The following HECW1 variants were observed in gnomAD, a reference collection of about 807,000 sequenced individuals.
HECW1 encodes E3 ubiquitin-protein ligase HECW1.
A neutral mutation model predicts 182.3 loss-of-function variants in HECW1; 61 were observed. The observed-to-expected ratio is 0.33, with a 90% CI of 0.27 to 0.41. HECW1 has a LOEUF of 0.41. HECW1 is among the 10% of genes least tolerant of loss of function. HECW1 has a pLI of 1.00. For synonymous variants in HECW1, 859 were observed against 832.6 expected, an observed-to-expected ratio of 1.03 and a Z score of -0.55; for missense variants, 1,739 against 2,108.9, an observed-to-expected ratio of 0.82 and a Z score of 3.44.
At chr7:43,494,240 C>T (rs2079034607) in intron 19 of HECW1, among the ~76,000 whole-genome samples, 2 of 152,068 alleles carry the variant, frequency 1.3e-5, no homozygotes, top group Admixed American at 6.6e-5. Context: ...TCCCTGATCT[C>T]CTCTCCTCCC....
chr7:43,438,529 C>T (rs2076780317), intron 9 of HECW1: 1 of 154,556 alleles, frequency 6.5e-6, no homozygotes, highest in Non-Finnish European at 1.4e-5. Flanking sequence ...TCATATGTGA[C>T]ATTTCCATAA....
intron 6 of HECW1, among the ~76,000 whole-genome samples, chr7:43,371,762 G>A (rs962974423): frequency 1.3e-5 from 2 of 152,200 alleles, no homozygotes; most frequent in African/African-American, 4.8e-5. Flanking sequence ...GGCAAAAGCA[G>A]CAGGGGAGCA....
chr7:43,537,332 A>T (rs2081214556), intron 24 of HECW1, among the ~76,000 whole-genome samples: 1 of 152,190 alleles, frequency 6.6e-6, no homozygotes, highest in South Asian at 2.1e-4. Flanking sequence ...CTCAGCATTT[A>T]ATTTTGCTTA....
Position 43,446,823 on chromosome 7 carries a change from G to A in HECW1, c.2398+1253G>A, listed in dbSNP as rs541914757. Among the ~76,000 whole-genome samples the A allele has an allele frequency of 6.2e-4, 94 of 152,294 alleles. 1 individual carries two copies. The highest frequency in any genetic ancestry group is 1.7e-3 in the African/African-American group (72 of 41,558). On this transcript the variant is annotated intron_variant, in intron 11 of 29. Coordinates refer to ENST00000395891, the MANE Select transcript of HECW1 (RefSeq NM_015052.5). ...GCATGGAAAGGTACCCACAAGGAGC[G>A]GGATGGAAAATCCCTCCTGTGAGTA...
chr7:43,434,105 G>A (rs1035848151), intron 8 of HECW1, among the ~76,000 whole-genome samples: 27 of 152,224 alleles, frequency 1.8e-4, no homozygotes, highest in Middle Eastern at 3.4e-3. Context: ...CCAAGTGGCC[G>A]TTTCTCTGGA....
At chr7:43,360,751 C>T in intron 5 of HECW1, 135 bp from the exon 6 acceptor site, 2 of 692,592 alleles carry the variant, frequency 2.9e-6, no homozygotes, top group Non-Finnish European at 5.2e-6. Context: ...ACATGAGGAG[C>T]ATCATTGTCG....
rs573752122 is a variant in HECW1 at position 43,156,739 on chromosome 7, G to A, written c.-32+42348G>A. On this transcript the variant is annotated intron_variant, in intron 2 of 29. Transcript: ENST00000395891. The stretch of plus-strand genomic sequence containing the variant: ...TGTGGTAGCCCTGTTCACCTTAGGC[G>A]TGGTCATGTGATCTGCACTGGCCAG... Among the ~76,000 whole-genome samples, 12 of 150,356 alleles carry A rather than the reference G, an allele frequency of 8.0e-5. 1 individual carries two copies. In the South Asian group the frequency reaches 8.3e-4, roughly 10 times the overall value.
intron 29 of HECW1, among the ~76,000 whole-genome samples, chr7:43,559,931 C>A (rs1050356330): frequency 6.6e-6 from 1 of 152,178 alleles, no homozygotes; most frequent in Non-Finnish European, 1.5e-5. Context: ...AGGTGCTATT[C>A]GTCAATGCTT....
intron 3 of HECW1, among the ~76,000 whole-genome samples, chr7:43,305,980 G>A (rs974507324): frequency 6.6e-5 from 10 of 152,006 alleles, no homozygotes; most frequent in African/African-American, 7.2e-5. Context: ...AGCTGGTCTC[G>A]AACTCCCAAC....
intron 24 of HECW1, among the ~76,000 whole-genome samples, chr7:43,518,141 A>G (rs10228628): frequency 0.051 from 7,717 of 152,264 alleles, 315 homozygotes; most frequent in East Asian, 0.19. Flanking sequence ...AACTCAAGAA[A>G]CCTTGAGTGG....
In HECW1 at chr7:43,128,834, G is replaced by T. The variant is rs192386988; in HGVS notation, c.-32+14443G>T. 3.9e-4 allele frequency among the ~76,000 whole-genome samples: 60 copies of T among 151,996 alleles called. No homozygotes were observed. The East Asian group carries it at 0.01, about 25-fold the overall frequency. ...CATTAACAGGACTTTGGAAGACATTGGTTGCAACCCTCATGGATGATTTTG... is the reference window on the plus strand; with the variant it reads ...CATTAACAGGACTTTGGAAGACATTTGTTGCAACCCTCATGGATGATTTTG... On this transcript the variant is annotated intron_variant, in intron 2 of 29. Coordinates refer to ENST00000395891, the MANE Select transcript of HECW1 (RefSeq NM_015052.5).
chr7:43,331,704 G>C (rs1322339667), intron 5 of HECW1, among the ~76,000 whole-genome samples: 1 of 152,144 alleles, frequency 6.6e-6, no homozygotes, highest in African/African-American at 2.4e-5. Context: ...CAACGTTCTT[G>C]GCAAGGATGT....
intron 3 of HECW1, among the ~76,000 whole-genome samples, chr7:43,257,836 G>A (rs1800743816): frequency 6.8e-6 from 1 of 146,352 alleles, no homozygotes; most frequent in Non-Finnish European, 1.5e-5. Flanking sequence ...TTATTCATAT[G>A]CAATTAGAAA....
At chr7:43,281,947 G>A (rs972258941) in intron 3 of HECW1, among the ~76,000 whole-genome samples, 3 of 152,014 alleles carry the variant, frequency 2.0e-5, no homozygotes, top group African/African-American at 7.3e-5. Flanking sequence ...CAACATGTCT[G>A]ACACTCTCTC....
intron 7 of HECW1, among the ~76,000 whole-genome samples, chr7:43,406,274 G>A (rs1376339486): frequency 5.3e-5 from 8 of 152,118 alleles, no homozygotes; most frequent in African/African-American, 1.4e-4. Context: ...TCCTTTTACC[G>A]ACAAACTGGA....
intron 12 of HECW1, among the ~76,000 whole-genome samples, chr7:43,453,697 C>A (rs1026149898): frequency 6.6e-6 from 1 of 152,148 alleles, no homozygotes; most frequent in African/African-American, 2.4e-5. Flanking sequence ...TTGTGGAGAA[C>A]ATATAATTTA....
At chr7:43,282,295 T>C (rs572867380) in intron 3 of HECW1, among the ~76,000 whole-genome samples, 6 of 152,358 alleles carry the variant, frequency 3.9e-5, no homozygotes, top group African/African-American at 1.4e-4. Context: ...AGGCAAGGGC[T>C]GCTGTGGCAA....
intron 17 of HECW1, among the ~76,000 whole-genome samples, chr7:43,482,161 C>T (rs2078463321): frequency 6.6e-6 from 1 of 152,066 alleles, no homozygotes; most frequent in South Asian, 2.1e-4. Flanking sequence ...CAGAAGAGGA[C>T]ACCAAGAAAA....
At chr7:43,388,864 G>T (rs922698931) in intron 6 of HECW1, among the ~76,000 whole-genome samples, 2 of 152,188 alleles carry the variant, frequency 1.3e-5, no homozygotes, top group African/African-American at 4.8e-5. Flanking sequence ...GTGCCAGTGG[G>T]TGCCTCTTGA....
Sources: gnomAD v4.1 joint callset for allele counts (sites outside exome capture counted in the v4.1 genomes callset) on GRCh38, gnomAD v4.1.1 for gene constraint, MANE v1.5 for transcripts, NCBI Gene and HGNC (gene_info 2026-07-23, HGNC 2026-07-21) for gene names.